CTNND2: variants seen among roughly 807,000 people sequenced by gnomAD.
The protein encoded by CTNND2 is catenin delta 2.
Under a neutral mutation model 144.4 loss-of-function variants are expected in CTNND2, and 22 were observed. The observed-to-expected ratio is 0.15, with a 90% CI of 0.11 to 0.22. The LOEUF is 0.22. Ranked by LOEUF, CTNND2 falls within the 10% of genes least tolerant of loss-of-function variation. The pLI is 1.00. For synonymous variants in CTNND2, 751 were observed against 695.6 expected (o/e 1.08, Z -1.25); for missense variants, 1,353 against 1,618.8 (o/e 0.84, Z 2.82).
intron 2 of CTNND2, among the ~76,000 whole-genome samples, chr5:11,640,813 AAG>A (rs10547464): frequency 0.061 from 9,285 of 152,170 alleles, 582 homozygotes; most frequent in East Asian, 0.18. Flanking sequence ...TTGGATGAGA[AAG>A]AGTCATTTTG....
intron 12 of CTNND2, among the ~76,000 whole-genome samples, chr5:11,147,110 T>A (rs1757314000): frequency 6.6e-6 from 1 of 152,244 alleles, no homozygotes; most frequent in Admixed American, 6.5e-5. Context: ...AGGTGCCAGA[T>A]GTTGTTTTGG....
At chr5:11,607,050 T>C (rs1421679068) in intron 2 of CTNND2, among the ~76,000 whole-genome samples, 20 of 152,146 alleles carry the variant, frequency 1.3e-4, no homozygotes, top group Non-Finnish European at 2.9e-5. Context: ...GGAAGAATGT[T>C]ATATGAAGAT....
rs202245115 is a variant in CTNND2, at chr5:11,277,500, A to ATATTTATT, written c.1629-40685_1629-40678dup. 5.4e-3 allele frequency among the ~76,000 whole-genome samples: 739 copies of ATATTTATT among 136,884 alleles called. 3 individuals carry two copies. Among genetic ancestry groups the ATATTTATT allele is most frequent in the Non-Finnish European group, 7.5e-3 (468 of 62,470 alleles). 89.8% of individuals were successfully genotyped at this position (136,884 alleles called of 152,430 possible). ...CTCTGGTGCTTTAAGCTTTTTAAAA[A>ATATTTATT]TATTTATTTATTTATTTATTTATTT... On this transcript the variant is annotated intron_variant, in intron 9 of 21. Transcript: ENST00000304623.
At chr5:11,548,593 G>A (rs1287387543) in intron 3 of CTNND2, among the ~76,000 whole-genome samples, 2 of 152,122 alleles carry the variant, frequency 1.3e-5, no homozygotes, top group East Asian at 3.9e-4. Context: ...TTATTTGGAA[G>A]TATCTTATCA....
Position 11,411,671 on chromosome 5 carries a change from A to C in CTNND2, c.323-19T>G, listed in dbSNP as rs746192352. On this transcript the variant is annotated intron_variant, in intron 4 of 21. Coordinates refer to ENST00000304623, the MANE Select transcript of CTNND2 (RefSeq NM_001332.4). ...TGACCATCTGAAATGAAATATTTTA[A>C]AGTGATGAACAAACACATGGTATAT... is the stretch of plus-strand genomic sequence containing the variant. The C allele has an allele frequency of 1.4e-6, 2 of 1,413,340 alleles. No homozygotes were observed. The highest frequency in any genetic ancestry group is 3.5e-5 in the Admixed American group (2 of 57,014). 87.5% of individuals were successfully genotyped at this position (1,413,340 alleles called of 1,614,324 possible). A position where few individuals can be genotyped will look rare whatever the true frequency, so the allele number is the denominator to read the frequency against.
intron 1 of CTNND2, among the ~76,000 whole-genome samples, chr5:11,834,422 CAA>C (rs937494213): frequency 6.6e-6 from 1 of 151,946 alleles, no homozygotes; most frequent in Non-Finnish European, 1.5e-5. Flanking sequence ...AATATAAATA[CAA>C]AAAAGTCTTC....
intron 9 of CTNND2, among the ~76,000 whole-genome samples, chr5:11,321,343 T>C (rs969455668): frequency 6.6e-6 from 1 of 152,216 alleles, no homozygotes; most frequent in Non-Finnish European, 1.5e-5. Flanking sequence ...TTCTCCACCA[T>C]GCATGCTGGG....
chr5:11,308,606 G>C (rs537022907), intron 9 of CTNND2, among the ~76,000 whole-genome samples: 1 of 152,212 alleles, frequency 6.6e-6, no homozygotes, highest in Non-Finnish European at 1.5e-5. Context: ...CACAAAACTT[G>C]AAGTCTATTA....
chr5:11,371,955 CCCT>C (rs764020548), intron 7 of CTNND2, among the ~76,000 whole-genome samples: 24 of 151,850 alleles, frequency 1.6e-4, no homozygotes, highest in Non-Finnish European at 2.8e-4. Flanking sequence ...GAAAAAAATG[CCCT>C]CCTATTTCAT....
At position 11,230,343 on chromosome 5, in the gene CTNND2, T is replaced by C. The variant is rs375739856; in HGVS notation, c.1761+6348A>G. 1.6e-4 allele frequency among the ~76,000 whole-genome samples: 20 copies of C among 128,090 alleles called. No individual in the cohort carries two copies. The East Asian group carries it at 3.0e-3, about 19-fold the overall frequency. 84.0% of individuals were successfully genotyped at this position (128,090 alleles called of 152,430 possible). ...GTAACTAACCTGTACAATGTGCACA[T>C]GTACCCTAAAACTTAAAGTATAATT... On this transcript the variant is annotated intron_variant, in intron 10 of 21. Transcript: ENST00000304623.
At chr5:11,207,819 T>A (rs1334151390) in intron 10 of CTNND2, among the ~76,000 whole-genome samples, 2 of 152,206 alleles carry the variant, frequency 1.3e-5, no homozygotes, top group Admixed American at 6.5e-5. Context: ...TAATCCATAA[T>A]AAAGTGAAGA....
At chr5:11,140,152 C>T (rs1039792530) in intron 12 of CTNND2, among the ~76,000 whole-genome samples, 2 of 152,184 alleles carry the variant, frequency 1.3e-5, no homozygotes, top group Non-Finnish European at 2.9e-5. Context: ...GTGATTAGCA[C>T]AGGGACATCA....
At chr5:11,210,217 C>T (rs940986179) in intron 10 of CTNND2, among the ~76,000 whole-genome samples, 1 of 151,950 alleles carries the variant, frequency 6.6e-6, no homozygotes, top group African/African-American at 2.4e-5. Flanking sequence ...GCCAACTTGG[C>T]AAAACCCTGT....
intron 9 of CTNND2, among the ~76,000 whole-genome samples, chr5:11,324,832 G>A (rs1344011305): frequency 6.6e-6 from 1 of 152,182 alleles, no homozygotes; most frequent in Non-Finnish European, 1.5e-5. Context: ...TTAATTGAAA[G>A]AAACCATTTG....
chr5:11,732,053 T>A lies in CTNND2; in HGVS notation c.174+83A>T, dbSNP rs1334083885. Reference sequence around the variant, plus strand: ...ACATGAGTATGAGTTTCTTTTAACATAATTTAATCTTTAACGTTCATCTAG... The same window carrying A: ...ACATGAGTATGAGTTTCTTTTAACAAAATTTAATCTTTAACGTTCATCTAG... On this transcript the variant is annotated intron_variant, in intron 2 of 21. Coordinates refer to ENST00000304623, the MANE Select transcript of CTNND2 (RefSeq NM_001332.4). The A allele has an allele frequency of 1.6e-5, 22 of 1,366,186 alleles. No homozygotes were observed. The East Asian group carries it at 4.4e-4, about 27-fold the overall frequency. 84.6% of individuals were successfully genotyped at this position (1,366,186 alleles called of 1,614,324 possible). A position where few individuals can be genotyped will look rare whatever the true frequency, so the allele number is the denominator to read the frequency against.
At chr5:11,861,092 A>G (rs1481207698) in intron 1 of CTNND2, among the ~76,000 whole-genome samples, 1 of 152,170 alleles carries the variant, frequency 6.6e-6, no homozygotes, top group Non-Finnish European at 1.5e-5. Context: ...TCCCACATAC[A>G]TGTTCTGACA....
chr5:11,862,910 A>T (rs554859214), intron 1 of CTNND2, among the ~76,000 whole-genome samples: 1 of 152,272 alleles, frequency 6.6e-6, no homozygotes, highest in African/African-American at 2.4e-5. Flanking sequence ...CAAGATAAAC[A>T]GTTTTCTGTA....
chr5:11,076,786 G>A (rs778962482), intron 16 of CTNND2, among the ~76,000 whole-genome samples: 2 of 152,162 alleles, frequency 1.3e-5, no homozygotes, highest in Non-Finnish European at 2.9e-5. Flanking sequence ...GAGTTTCCCC[G>A]ATAATGGAGT....
At chr5:11,585,355 T>C (rs911292621) in intron 2 of CTNND2, among the ~76,000 whole-genome samples, 2 of 152,162 alleles carry the variant, frequency 1.3e-5, no homozygotes, top group Admixed American at 1.3e-4. Context: ...CACTACTGTA[T>C]CTGTTTCACT....
Sources: allele counts gnomAD v4.1 joint callset (sites outside exome capture counted in the v4.1 genomes callset), GRCh38; gene constraint gnomAD v4.1.1; transcripts MANE v1.5; gene names NCBI Gene and HGNC (gene_info 2026-07-23, HGNC 2026-07-21).